Variants in STON2 observed in about 807,000 individuals in gnomAD.
The protein encoded by STON2 is stonin-2.
Under a neutral mutation model 65.7 loss-of-function variants are expected in STON2, and 29 were observed. The observed-to-expected ratio is 0.44, with a 90% CI of 0.33 to 0.60. The LOEUF is 0.60. Ranked by LOEUF, STON2 falls within the 20% of genes least tolerant of loss-of-function variation. STON2 has a pLI of 0.03. For missense variants in STON2, 1,054 were observed against 1,118.1 expected (o/e 0.94, Z 0.82); for synonymous variants, 404 against 414.2 (o/e 0.98, Z 0.30).
chr14:81,349,113 C>G (rs2140310917), intron 4 of STON2, among the ~76,000 whole-genome samples: 1 of 152,096 alleles, frequency 6.6e-6, no homozygotes, highest in South Asian at 2.1e-4. Flanking sequence ...AAGACTTAAA[C>G]CTAACACCCG....
At chr14:81,349,360 G>A (rs974943155) in intron 4 of STON2, among the ~76,000 whole-genome samples, 5 of 151,908 alleles carry the variant, frequency 3.3e-5, no homozygotes, top group African/African-American at 7.2e-5. Flanking sequence ...ACTAATACTC[G>A]CATATATTAG....
chr14:81,417,483 C>G (rs1329691107), intron 2 of STON2, among the ~76,000 whole-genome samples: 2 of 152,170 alleles, frequency 1.3e-5, no homozygotes, highest in African/African-American at 2.4e-5. Flanking sequence ...TAGGAAATAA[C>G]AATTAAGCTT....
chr14:81,278,146 G>A lies in STON2; in HGVS notation c.1336C>T (p.Gln446Ter). The change falls in exon 6 of 8, where the codon CAA becomes TAA. Residue 446 changes from glutamine to a stop codon, truncating the protein, a stop_gained. Coordinates refer to ENST00000614646, the MANE Select transcript of STON2 (RefSeq NM_001394390.1). LOFTEE classifies it high-confidence loss of function. ...SDAVEKLKQLQIDDPDHFGSA... is the reference protein window; with the variant it reads ...SDAVEKLKQL Reference sequence around the variant, plus strand: ...CCAAAGTGATCAGGGTCATCAATTTGGAGTTGTTTGAGTTTTTCAACAGCA... The same window carrying A: ...CCAAAGTGATCAGGGTCATCAATTTAGAGTTGTTTGAGTTTTTCAACAGCA... The A allele has an allele frequency of 1.2e-6, 2 of 1,614,148 alleles. No individual in the cohort carries two copies. Among genetic ancestry groups the A allele is most frequent in the Non-Finnish European group, 1.7e-6 (2 of 1,180,032 alleles).
At chr14:81,273,594 A>G (rs1289045640) in intron 6 of STON2, among the ~76,000 whole-genome samples, 2 of 152,060 alleles carry the variant, frequency 1.3e-5, no homozygotes. Context: ...GAGCTCAGAG[A>G]GGGGAGCTGC....
chr14:81,340,108 C>T (rs567546169), intron 4 of STON2, among the ~76,000 whole-genome samples: 17 of 152,150 alleles, frequency 1.1e-4, no homozygotes, highest in Admixed American at 4.6e-4. Context: ...AAGCCCAGAT[C>T]GCGCCACCGC....
At chr14:81,379,751 T>C (rs886699214) in intron 3 of STON2, among the ~76,000 whole-genome samples, 1 of 152,154 alleles carries the variant, frequency 6.6e-6, no homozygotes, top group South Asian at 2.1e-4. Flanking sequence ...GGGAAAAGAC[T>C]TTCTATTCAA....
rs189008154 is a variant in STON2 at position 81,304,113 on chromosome 14, T to C, written c.742+19904A>G. ...TCATTTGGAATTTCCCAATACTCTC[T>C]TGTAGAGTCAAATAGTTGTTCTTTT... On this transcript the variant is annotated intron_variant, in intron 5 of 7. Transcript: ENST00000614646. Among the ~76,000 whole-genome samples, 4 of 152,342 alleles carry C rather than the reference T, an allele frequency of 2.6e-5. No individual in the cohort carries two copies. In the East Asian group the frequency reaches 7.7e-4, roughly 29 times the overall value.
chr14:81,316,863 AC>A (rs1375545553), intron 5 of STON2, among the ~76,000 whole-genome samples: 16 of 152,296 alleles, frequency 1.1e-4, no homozygotes, highest in African/African-American at 3.6e-4. Flanking sequence ...TACCAAAAAT[AC>A]AAAAAATTAG....
Position 81,413,172 on chromosome 14 carries a change from A to G in STON2, c.-199+13930T>C, listed in dbSNP as rs556193538. ...AGGAACTTCAGTAGTTACGTGACAC[A>G]TGAAACCAAACACTTCATCTACTTC... On this transcript the variant is annotated intron_variant, in intron 2 of 8. Transcript: ENST00000553821. The G allele has an allele frequency of 1.0e-4, 151 of 1,506,178 alleles. 21 individuals are homozygous for G. The highest frequency in any genetic ancestry group is 6.6e-4 in the South Asian group (54 of 82,114). 93.3% of individuals were successfully genotyped at this position (1,506,178 alleles called of 1,614,324 possible). A position where few individuals can be genotyped will look rare whatever the true frequency, so the allele number is the denominator to read the frequency against.
rs942755959 is a variant in STON2 at position 81,260,858 on chromosome 14, A to C, written c.*7556T>G. ...AGTGCAAGAGGTTACACTGAATGAG[A>C]ATGGATGATGAATGATGGAAAATGT... On this transcript the variant is annotated 3_prime_UTR_variant, in exon 8 of 8. Transcript: ENST00000614646. 1 of 152,094 alleles carries C rather than the reference A, an allele frequency of 6.6e-6. No individual in the cohort carries two copies. The highest frequency in any genetic ancestry group is 1.5e-5 in the Non-Finnish European group (1 of 68,030). 9.4% of individuals were successfully genotyped at this position (152,094 alleles called of 1,614,324 possible).
chr14:81,395,651 G>T (rs1900277877), intron 3 of STON2: 3 of 493,512 alleles, frequency 6.1e-6, no homozygotes. Flanking sequence ...CAAGTCAACA[G>T]CCAGGGACAA....
intron 6 of STON2, among the ~76,000 whole-genome samples, chr14:81,271,726 AAG>A (rs1251766993): frequency 6.6e-6 from 1 of 152,182 alleles, no homozygotes; most frequent in Non-Finnish European, 1.5e-5. Flanking sequence ...TTTGAGGAAA[AAG>A]AGAGCTTACT....
At position 81,413,648 on chromosome 14, in the gene STON2, T is replaced by C. The variant is rs1901279184; in HGVS notation, c.-199+13454A>G. On this transcript the variant is annotated intron_variant, in intron 2 of 8. Transcript: ENST00000553821. ...GTCTCTATTAAAAATACAAAAAAAT[T>C]AGCCTGGCATGGTGGCGTTTGTCTG... 1.5e-5 allele frequency among the ~76,000 whole-genome samples: 2 copies of C among 137,804 alleles called. 1 individual carries two copies. Among genetic ancestry groups the C allele is most frequent in the South Asian group, 4.9e-4 (2 of 4,096 alleles). 90.4% of individuals were successfully genotyped at this position (137,804 alleles called of 152,430 possible).
At chr14:81,390,352 C>T (rs982055538) in intron 3 of STON2, among the ~76,000 whole-genome samples, 2 of 152,172 alleles carry the variant, frequency 1.3e-5, no homozygotes, top group African/African-American at 2.4e-5. Context: ...CTGAGCACTG[C>T]GCTATGTCTT....
intron 7 of STON2, chr14:81,269,898 G>A (rs562463702): frequency 3.8e-4 from 372 of 985,042 alleles, no homozygotes; most frequent in Non-Finnish European, 4.3e-4. Flanking sequence ...CATTTGCTTG[G>A]CTTTTGAGTT....
rs1376638091 is a variant in STON2 at position 81,278,760 on chromosome 14, T to C, written c.743-21A>G. ...ATTGTCTAAAAGGAAAAGGAGAACA[T>C]ATGAGCTACTGTTCAGGGGCTCTAG... is the stretch of plus-strand genomic sequence containing the variant. On this transcript the variant is annotated intron_variant, in intron 5 of 7. Transcript: ENST00000614646. 2.0e-6 allele frequency: 3 copies of C among 1,503,288 alleles called. No individual in the cohort carries two copies. In the East Asian group the frequency reaches 6.8e-5, roughly 34 times the overall value. 93.1% of individuals were successfully genotyped at this position (1,503,288 alleles called of 1,614,324 possible).
chr14:81,307,902 T>C (rs1447879819), intron 5 of STON2, among the ~76,000 whole-genome samples: 4 of 152,172 alleles, frequency 2.6e-5, no homozygotes, highest in Non-Finnish European at 2.9e-5. Context: ...GCTATTTTAG[T>C]AGTTATGTTT....
Position 81,396,186 on chromosome 14 carries a change from A to G in STON2, c.89-8T>C. ...GGTGCTCTTCCGTGCCCCCTGAAAC[A>G]GATACCAGACGCCACCATCATGTGA... On this transcript the variant is annotated splice_polypyrimidine_tract_variant and splice_region_variant and intron_variant, in intron 2 of 7. Coordinates refer to ENST00000614646, the MANE Select transcript of STON2 (RefSeq NM_001394390.1). 1.3e-6 allele frequency: 2 copies of G among 1,591,268 alleles called. No individual in the cohort carries two copies. The highest frequency in any genetic ancestry group is 1.1e-5 in the South Asian group (1 of 87,534).
intron 4 of STON2, among the ~76,000 whole-genome samples, chr14:81,342,146 T>C (rs1897636879): frequency 6.6e-6 from 1 of 152,082 alleles, no homozygotes; most frequent in Admixed American, 6.5e-5. Flanking sequence ...GGAGTTTTTT[T>C]GTTTTTTTTT....
Sources: allele counts gnomAD v4.1 joint callset (sites outside exome capture counted in the v4.1 genomes callset), GRCh38; gene constraint gnomAD v4.1.1; transcripts MANE v1.5; gene names NCBI Gene and HGNC (gene_info 2026-07-23, HGNC 2026-07-21).